BCL7C: variants seen among roughly 807,000 people sequenced by gnomAD.
BCL7C encodes BAF chromatin remodeling complex subunit BCL7C.
BCL7C carries 8 observed loss-of-function variants against 26.2 expected under a neutral mutation model. The ratio of observed to expected loss-of-function variants is 0.30; its 90% confidence interval spans 0.18 to 0.55. The LOEUF (loss-of-function observed/expected upper bound fraction) is 0.55, where lower values mean the gene tolerates loss of function less well. Among genes scored for constraint, BCL7C ranks in the 20% least tolerant of loss-of-function variants. The probability of loss-of-function intolerance (pLI) is 0.93; values close to 1 mark genes in which losing one functional copy is unlikely to be tolerated. For missense variants in BCL7C, 262 were observed against 298.5 expected (o/e 0.88, Z 0.90); for synonymous variants, 90 against 116.5 (o/e 0.77, Z 1.47).
intron 5 of BCL7C, among the ~76,000 whole-genome samples, chr16:30,871,950 G>T (rs1464959491): frequency 6.6e-6 from 1 of 152,126 alleles, no homozygotes; most frequent in Admixed American, 6.6e-5. Context: ...GAGAGAGGTG[G>T]ACTGAGTTAA....
intron 5 of BCL7C, among the ~76,000 whole-genome samples, chr16:30,837,090 G>A (rs1239378828): frequency 3.3e-5 from 5 of 151,582 alleles, no homozygotes; most frequent in African/African-American, 9.7e-5. Flanking sequence ...CACCGCGCCC[G>A]GCCGACTCCA....
At chr16:30,892,392 C>T (rs928686448) in intron 4 of BCL7C, among the ~76,000 whole-genome samples, 194 bp downstream of exon 4, 1 of 149,518 alleles carries the variant, frequency 6.7e-6, no homozygotes, top group Non-Finnish European at 1.5e-5. Flanking sequence ...AAATCTCAGA[C>T]AGTGATATGT....
At chr16:30,858,177 G>A (rs1463944644) in intron 5 of BCL7C, among the ~76,000 whole-genome samples, 1 of 152,080 alleles carries the variant, frequency 6.6e-6, no homozygotes, top group Non-Finnish European at 1.5e-5. Context: ...TTATACACTA[G>A]GAGAAACCCT....
downstream of BCL7C, among the ~76,000 whole-genome samples, chr16:30,886,683 C>T (rs1204110697): frequency 1.3e-5 from 2 of 151,752 alleles, no homozygotes; most frequent in African/African-American, 4.8e-5. Context: ...TGCTGGAGCT[C>T]AAAAAAGGGG....
intron 5 of BCL7C, among the ~76,000 whole-genome samples, chr16:30,848,428 C>T (rs189542294): frequency 1.3e-4 from 20 of 152,284 alleles, no homozygotes; most frequent in Non-Finnish European, 2.8e-4. Flanking sequence ...GATACATCAA[C>T]TGTAAAGGGC....
rs113876400 is a variant in BCL7C, at chr16:30,851,129, A to G, written c.529-15981T>C. The G allele has an allele frequency of 2.8e-3, 719 of 258,496 alleles. 12 individuals are homozygous for G. Among genetic ancestry groups the G allele is most frequent in the African/African-American group, 0.015 (646 of 44,362 alleles). 16.0% of individuals were successfully genotyped at this position (258,496 alleles called of 1,614,324 possible). ...TCTTGGAAAGCATTTTCTGCATCCT[A>G]CTGGTTCGTTTTCCCTGCAAAACTG... is the stretch of plus-strand genomic sequence containing the variant. On this transcript the variant is annotated intron_variant, in intron 5 of 5. Coordinates refer to the BCL7C transcript ENST00000380317.
At position 30,893,604 on chromosome 16, in the gene BCL7C, G is replaced by T. The variant is rs2055293913; in HGVS notation, c.92+249C>A. 6.6e-6 allele frequency among the ~76,000 whole-genome samples: 1 copy of T among 152,030 alleles called. No homozygotes were observed. The highest frequency in any genetic ancestry group is 2.1e-4 in the South Asian group (1 of 4,818). The stretch of plus-strand genomic sequence containing the variant: ...ATCCTGGGGCGCACCTGCAGGAGGG[G>T]TGTCAAAGCTTTAGGGGGCGGGGCA... On this transcript the variant is annotated intron_variant, in intron 1 of 5. Transcript: ENST00000215115. The surrounding 1 kb of genome is among the most constrained non-coding windows in gnomAD (Gnocchi z 5.2).
chr16:30,883,809 G>GTAT (rs2055082722), downstream of BCL7C, among the ~76,000 whole-genome samples: 1 of 145,340 alleles, frequency 6.9e-6, no homozygotes, highest in African/African-American at 2.5e-5. Flanking sequence ...GAGCCACCAC[G>GTAT]CCAGGCCCAA....
At chr16:30,846,576 A>G (rs1425301229) in intron 5 of BCL7C, among the ~76,000 whole-genome samples, 2 of 152,152 alleles carry the variant, frequency 1.3e-5, no homozygotes. Context: ...TATATTGCCC[A>G]GGCTCTCTGT....
intron 5 of BCL7C, among the ~76,000 whole-genome samples, chr16:30,855,224 C>G (rs1308903197): frequency 1.3e-5 from 2 of 152,030 alleles, no homozygotes; most frequent in Non-Finnish European, 1.5e-5. Context: ...ATAGGCCACC[C>G]TTCTCAAATA....
chr16:30,893,842 G>T lies in BCL7C; in HGVS notation c.92+11C>A. 6.3e-7 allele frequency: 1 copy of T among 1,599,788 alleles called. No individual in the cohort carries two copies. On this transcript the variant is annotated intron_variant, in intron 1 of 5. Coordinates refer to ENST00000215115, the MANE Select transcript of BCL7C (RefSeq NM_004765.4). This position sits in a 1 kb window ranked among gnomAD's most constrained non-coding sequence, Gnocchi z 5.2. ...GCTGTGTCCCGTCCCTGGCCCCCGAGCAGCGCTCACCATCTCCGGACCTTC... is the reference window on the plus strand; with the variant it reads ...GCTGTGTCCCGTCCCTGGCCCCCGATCAGCGCTCACCATCTCCGGACCTTC...
At chr16:30,851,308 T>C (rs2054672550) in intron 5 of BCL7C, 1 of 210,772 alleles carries the variant, frequency 4.7e-6, no homozygotes, top group South Asian at 7.5e-5. Context: ...TGGCACAATC[T>C]TGGCTCATCG....
downstream of BCL7C, chr16:30,887,672 G>A (rs1327612765): frequency 1.1e-6 from 1 of 887,866 alleles, no homozygotes; most frequent in South Asian, 2.1e-5. Flanking sequence ...ACTCTGCCTT[G>A]TGGTGTCACT....
chr16:30,852,590 CA>C (rs771399900), intron 5 of BCL7C, among the ~76,000 whole-genome samples: 33 of 149,370 alleles, frequency 2.2e-4, no homozygotes, highest in Admixed American at 1.3e-3. Context: ...CTCCCGGGTT[CA>C]AGTGATTCTT....
Position 30,893,867 on chromosome 16 carries a change from C to T in BCL7C, c.78G>A (p.Glu26=). 1.2e-6 allele frequency: 2 copies of T among 1,602,524 alleles called. No individual in the cohort carries two copies. The highest frequency in any genetic ancestry group is 8.5e-7 in the Non-Finnish European group (1 of 1,179,244). The change falls in exon 1 of 6, where the codon GAG becomes GAA. Residue 26 remains glutamate, a synonymous_variant. Transcript: ENST00000215115. The surrounding 1 kb of genome is among the most constrained non-coding windows in gnomAD (Gnocchi z 5.2). ...DDIKKVMATI[E]KVRRWEKRWV... is the part of the protein sequence containing the mutation. ...GCAGCGCTCACCATCTCCGGACCTT[C>T]TCGATGGTCGCCATCACCTTCTTGA...
Position 30,848,146 on chromosome 16 carries a change from T to C in BCL7C, c.529-12998A>G, listed in dbSNP as rs1465981743. On this transcript the variant is annotated intron_variant, in intron 5 of 5. Coordinates refer to the BCL7C transcript ENST00000380317. The stretch of plus-strand genomic sequence containing the variant: ...TGGCCTACCACTATTAAGTGGTTAG[T>C]GAAATGAGATGCCAGATCTTTCCTG... Among the ~76,000 whole-genome samples, 3 of 152,324 alleles carry C rather than the reference T, an allele frequency of 2.0e-5. No homozygotes were observed. The East Asian group carries it at 5.8e-4, about 29-fold the overall frequency.
chr16:30,860,422 T>C (rs2054761042), intron 5 of BCL7C, among the ~76,000 whole-genome samples: 1 of 152,150 alleles, frequency 6.6e-6, no homozygotes, highest in Non-Finnish European at 1.5e-5. Context: ...TCTTTAAACT[T>C]ACCTCCTTTG....
intron 5 of BCL7C, among the ~76,000 whole-genome samples, chr16:30,838,771 C>T (rs756155034): frequency 2.0e-5 from 3 of 152,134 alleles, no homozygotes; most frequent in Admixed American, 6.6e-5. Context: ...GGTGACAGAG[C>T]GAGACTCCGT....
chr16:30,833,748 T>C (rs529555310), exon 6 of BCL7C: 2 of 152,314 alleles, frequency 1.3e-5, no homozygotes, highest in African/African-American at 4.8e-5. Flanking sequence ...ATCTCAATCA[T>C]TGGTACGAAT....
Sources: allele counts gnomAD v4.1 joint callset (sites outside exome capture counted in the v4.1 genomes callset), GRCh38; gene constraint gnomAD v4.1.1; non-coding constraint Gnocchi (gnomAD v3.1); transcripts MANE v1.5; gene names NCBI Gene and HGNC (gene_info 2026-07-23, HGNC 2026-07-21).